Variants in ZNF616 observed in about 807,000 individuals in gnomAD.
The protein encoded by ZNF616 is zinc finger protein 616.
Under a neutral mutation model 7.6 loss-of-function variants are expected in ZNF616, and 5 were observed. The observed-to-expected ratio is 0.66, with a 90% CI of 0.34 to 1.38. The LOEUF (loss-of-function observed/expected upper bound fraction) is 1.38. ZNF616 is among the 40% of genes most tolerant of loss of function. ZNF616 has a pLI of 0.04. For missense variants in ZNF616, 913 were observed against 948.3 expected (o/e 0.96, Z 0.49); for synonymous variants, 319 against 317.2 (o/e 1.01, Z -0.06).
chr19:52,125,667 C>T (rs139259732), intron 2 of ZNF616, among the ~76,000 whole-genome samples: 28 of 152,220 alleles, frequency 1.8e-4, no homozygotes, highest in African/African-American at 6.3e-4. Context: ...GGGTCTCAGG[C>T]GTGGTCCTGC....
intron 3 of ZNF616, among the ~76,000 whole-genome samples, chr19:52,119,742 G>A (rs1023787021): frequency 5.9e-5 from 9 of 152,160 alleles, no homozygotes; most frequent in Non-Finnish European, 8.8e-5. Flanking sequence ...ATTATACTAT[G>A]GGCACAGGAC....
chr19:52,123,299 G>T (rs555035810), intron 3 of ZNF616, among the ~76,000 whole-genome samples: 1 of 152,060 alleles, frequency 6.6e-6, no homozygotes, highest in Non-Finnish European at 1.5e-5. Flanking sequence ...TTGGCCGGGC[G>T]TGGTGGCTCA....
chr19:52,127,160 T>C (rs1351599355), intron 2 of ZNF616, among the ~76,000 whole-genome samples: 1 of 152,068 alleles, frequency 6.6e-6, no homozygotes, highest in African/African-American at 2.4e-5. Flanking sequence ...GTTCAAGGGA[T>C]TCTCCTGCCT....
At position 52,116,315 on chromosome 19, in the gene ZNF616, G is replaced by A. The variant is rs760478086; in HGVS notation, c.849C>T (p.His283=). ...ECGKSFSKSS[H]LAVHQRIHTG... The stretch of plus-strand genomic sequence containing the variant: ...TATGAATTCTCTGATGAACTGCAAG[G>A]TGGGAACTTTTACTAAAGGACTTGC... The change falls in exon 4 of 4, where the codon CAC becomes CAT. Residue 283 remains histidine, a synonymous_variant. Coordinates refer to ENST00000600228, the MANE Select transcript of ZNF616 (RefSeq NM_178523.5). 23 of 1,613,960 alleles carry A rather than the reference G, an allele frequency of 1.4e-5. No individual in the cohort carries two copies. The highest frequency in any genetic ancestry group is 1.9e-5 in the Non-Finnish European group (22 of 1,179,978).
At chr19:52,121,031 G>T (rs2088860940) in intron 3 of ZNF616, among the ~76,000 whole-genome samples, 1 of 152,154 alleles carries the variant, frequency 6.6e-6, no homozygotes, top group Non-Finnish European at 1.5e-5. Flanking sequence ...TTCTTCAAAA[G>T]AAATATTTAA....
rs115318826 is a variant in ZNF616, at chr19:52,116,096, A to G, written c.1068T>C (p.Asp356=). The G allele has an allele frequency of 7.5e-3, 12,113 of 1,614,208 alleles. 131 individuals are homozygous for G. Among genetic ancestry groups the G allele is most frequent in the Non-Finnish European group, 6.7e-3 (7,922 of 1,180,040 alleles). The part of the protein sequence containing the change: ...IHAGKKPYKC[D]VCGKAFRHRS... Reference sequence around the variant, plus strand: ...TATGTCTGAATGCCTTGCCACATACATCACATTTATATGGTTTCTTTCCTG... The same window carrying G: ...TATGTCTGAATGCCTTGCCACATACGTCACATTTATATGGTTTCTTTCCTG... Residue 356 remains aspartate, a synonymous_variant, in exon 4 of 4, where the codon GAT becomes GAC. Transcript: ENST00000600228.
chr19:52,136,917 A>G (rs1418994992), intron 1 of ZNF616, among the ~76,000 whole-genome samples: 1 of 151,942 alleles, frequency 6.6e-6, no homozygotes, highest in Non-Finnish European at 1.5e-5. Context: ...AACAAAAAAC[A>G]AAAAACTTAG....
intron 1 of ZNF616, among the ~76,000 whole-genome samples, chr19:52,133,499 T>C (rs907950759): frequency 6.6e-6 from 1 of 152,138 alleles, no homozygotes; most frequent in African/African-American, 2.4e-5. Flanking sequence ...GTTTGTTGTA[T>C]ACATTATTTC....
chr19:52,131,096 C>G (rs1259984380), intron 1 of ZNF616, among the ~76,000 whole-genome samples: 1 of 151,798 alleles, frequency 6.6e-6, no homozygotes, highest in Admixed American at 6.6e-5. Context: ...GGTGAAACAC[C>G]CTCTCTACCA....
At position 52,114,649 on chromosome 19, in the gene ZNF616, A is replaced by G; in HGVS notation, c.*169T>C. On this transcript the variant is annotated 3_prime_UTR_variant, in exon 4 of 4. Coordinates refer to ENST00000600228, the MANE Select transcript of ZNF616 (RefSeq NM_178523.5). ...GACAGCACCAAGGGGATGACGCTAC[A>G]TCTTTCTCAGTTTGAGAAATCCACT... is the stretch of plus-strand genomic sequence containing the variant. 1.3e-6 allele frequency: 1 copy of G among 773,686 alleles called. No homozygotes were observed. Among genetic ancestry groups the G allele is most frequent in the Non-Finnish European group, 2.0e-6 (1 of 502,422 alleles). 47.9% of individuals were successfully genotyped at this position (773,686 alleles called of 1,614,324 possible). A position where few individuals can be genotyped will look rare whatever the true frequency, so the allele number is the denominator to read the frequency against.
intron 1 of ZNF616, among the ~76,000 whole-genome samples, chr19:52,134,995 G>T (rs888806921): frequency 1.3e-5 from 2 of 152,256 alleles, no homozygotes; most frequent in South Asian, 4.1e-4. Flanking sequence ...AGTCCCAGTT[G>T]AAATCTTTGT....
In ZNF616 at chr19:52,115,429, A is replaced by G. The variant is rs2088810495; in HGVS notation, c.1735T>C (p.Cys579Arg). 1 of 1,613,940 alleles carries G rather than the reference A, an allele frequency of 6.2e-7. No homozygotes were observed. The highest frequency in any genetic ancestry group is 8.5e-7 in the Non-Finnish European group (1 of 1,180,042). Reference sequence around the variant, plus strand: ...CTGTAGACCTTGCCGCATTCATTGCATTTGTAAGGTTTCTCTCCACTATGA... The same window carrying G: ...CTGTAGACCTTGCCGCATTCATTGCGTTTGTAAGGTTTCTCTCCACTATGA... ...RIHSGEKPYK[C>R]NECGKVYSQY... The change falls in exon 4 of 4, where the codon TGC (cysteine) becomes CGC (arginine). Residue 579 changes from cysteine to arginine, a missense_variant. Transcript: ENST00000600228.
In ZNF616 at chr19:52,117,993, A is replaced by C. The variant is rs1320835791; in HGVS notation, c.140-969T>G. Among the ~76,000 whole-genome samples, 3 of 152,150 alleles carry C rather than the reference A, an allele frequency of 2.0e-5. No individual in the cohort carries two copies. The South Asian group carries it at 6.2e-4, about 32-fold the overall frequency. On this transcript the variant is annotated intron_variant, in intron 3 of 3. Transcript: ENST00000600228. Reference sequence around the variant, plus strand: ...AGTCTCACTCTGTCACCTAGGCTGGAGTAAAGTGGCATAATCTTGCCTCAC... The same window carrying C: ...AGTCTCACTCTGTCACCTAGGCTGGCGTAAAGTGGCATAATCTTGCCTCAC...
chr19:52,116,039 G>A lies in ZNF616; in HGVS notation c.1125C>T (p.His375=), dbSNP rs372838421. ...RSNLVCHRRI[H]SGEKQYKCNE... ...TGCATTTGTATTGTTTCTCTCCACT[G>A]TGGATTCTCCGGTGACATACAAGAT... Residue 375 remains histidine, a synonymous_variant, in exon 4 of 4, where the codon CAC becomes CAT. Coordinates refer to ENST00000600228, the MANE Select transcript of ZNF616 (RefSeq NM_178523.5). 2.5e-6 allele frequency: 4 copies of A among 1,614,018 alleles called. No individual in the cohort carries two copies. The highest frequency in any genetic ancestry group is 1.1e-5 in the South Asian group (1 of 91,080).
chr19:52,122,902 G>A (rs921710725), intron 3 of ZNF616, among the ~76,000 whole-genome samples: 2 of 152,062 alleles, frequency 1.3e-5, no homozygotes, highest in Admixed American at 1.3e-4. Flanking sequence ...CCAAAGTGCT[G>A]GGATTATAGG....
intron 2 of ZNF616, among the ~76,000 whole-genome samples, chr19:52,127,031 A>C (rs2088914649): frequency 6.6e-6 from 1 of 152,136 alleles, no homozygotes; most frequent in Admixed American, 6.5e-5. Context: ...ATTCAGAGCC[A>C]TGAAAACACA....
chr19:52,126,651 C>T (rs113217294), intron 2 of ZNF616, among the ~76,000 whole-genome samples: 7,397 of 151,272 alleles, frequency 0.049, 513 homozygotes, highest in African/African-American at 0.15. Context: ...GCCTGTAGTC[C>T]CAGCTACTCA....
At chr19:52,136,383 A>C (rs1467702853) in intron 1 of ZNF616, among the ~76,000 whole-genome samples, 1 of 152,032 alleles carries the variant, frequency 6.6e-6, no homozygotes, top group Non-Finnish European at 1.5e-5. Context: ...TCGGAGGATG[A>C]GGTCGCAGTG....
chr19:52,137,772 G>A (rs2089025561), intron 1 of ZNF616, among the ~76,000 whole-genome samples: 1 of 151,894 alleles, frequency 6.6e-6, no homozygotes, highest in Admixed American at 6.6e-5. Flanking sequence ...AAATTATGGG[G>A]TAAAAGTTAA....
Sources: gnomAD v4.1 joint callset for allele counts (sites outside exome capture counted in the v4.1 genomes callset) on GRCh38, gnomAD v4.1.1 for gene constraint, MANE v1.5 for transcripts, NCBI Gene and HGNC (gene_info 2026-07-23, HGNC 2026-07-21) for gene names.